Variants in CNTN5 observed in about 807,000 individuals in gnomAD.
The protein encoded by CNTN5 is contactin 5.
A neutral mutation model predicts 129.1 loss-of-function variants in CNTN5; 77 were observed. The ratio of observed to expected loss-of-function variants is 0.60; its 90% CI spans 0.50 to 0.72. The LOEUF (loss-of-function observed/expected upper bound fraction) is 0.72. Among genes scored for constraint, CNTN5 ranks in the 30% least tolerant of loss-of-function variants. CNTN5 has a pLI of 0.00. For missense variants in CNTN5, 1,478 were observed against 1,328.8 expected (o/e 1.11, Z -1.75); for synonymous variants, 509 against 465.6 (o/e 1.09, Z -1.20).
At chr11:99,778,408 C>G (rs937436231) in intron 3 of CNTN5, among the ~76,000 whole-genome samples, 3 of 151,810 alleles carry the variant, frequency 2.0e-5, no homozygotes, top group Non-Finnish European at 4.4e-5. Context: ...ATCCTTATTT[C>G]TGAGTATCTA....
rs1169703615 is a variant in CNTN5, at chr11:100,074,132, C to A, written c.1430-12C>A. 6.2e-7 allele frequency: 1 copy of A among 1,603,738 alleles called. No homozygotes were observed. Among genetic ancestry groups the A allele is most frequent in the South Asian group, 1.1e-5 (1 of 89,934 alleles). ...TGCTTCTGGTAGAAACTAACATTTGCTTTTTTAATAGCTTCAGCTCCCACT... is the reference window on the plus strand; with the variant it reads ...TGCTTCTGGTAGAAACTAACATTTGATTTTTTAATAGCTTCAGCTCCCACT... On this transcript the variant is annotated splice_polypyrimidine_tract_variant and intron_variant, in intron 12 of 24. Coordinates refer to ENST00000524871, the MANE Select transcript of CNTN5 (RefSeq NM_014361.4).
chr11:99,847,859 A>T (rs183683033), intron 6 of CNTN5, among the ~76,000 whole-genome samples: 1 of 150,202 alleles, frequency 6.7e-6, no homozygotes, highest in East Asian at 1.9e-4. Context: ...TTGGGGAGAA[A>T]AAAGAAAAGG....
intron 3 of CNTN5, among the ~76,000 whole-genome samples, chr11:99,779,573 C>A (rs116980481): frequency 6.6e-6 from 1 of 151,824 alleles, no homozygotes; most frequent in Non-Finnish European, 1.5e-5. Flanking sequence ...TTCTGTGTGC[C>A]AAGTATTAGT....
intron 4 of CNTN5, among the ~76,000 whole-genome samples, chr11:99,833,277 A>T (rs889868145): frequency 6.6e-6 from 1 of 152,176 alleles, no homozygotes; most frequent in East Asian, 1.9e-4. Context: ...ACAGGACTCT[A>T]TAAAGGAAAC....
chr11:99,534,791 G>T (rs946939512), intron 2 of CNTN5, among the ~76,000 whole-genome samples: 9 of 152,160 alleles, frequency 5.9e-5, no homozygotes, highest in African/African-American at 2.2e-4. Context: ...TGAGCATGTA[G>T]TAAAGTAATA....
intron 3 of CNTN5, among the ~76,000 whole-genome samples, chr11:99,646,467 C>A (rs1022944655): frequency 6.6e-6 from 1 of 152,058 alleles, no homozygotes; most frequent in South Asian, 2.1e-4. Flanking sequence ...AATGTAAGGG[C>A]CAACCAAAAG....
chr11:99,294,327 A>G (rs2135928348), intron 1 of CNTN5, among the ~76,000 whole-genome samples: 1 of 152,334 alleles, frequency 6.6e-6, no homozygotes, highest in Admixed American at 6.5e-5. Context: ...AAGGTGCAGT[A>G]TACTAACTCA....
chr11:100,177,874 T>C (rs1379717114), intron 13 of CNTN5, among the ~76,000 whole-genome samples: 3 of 152,118 alleles, frequency 2.0e-5, no homozygotes, highest in African/African-American at 7.2e-5. Flanking sequence ...AGCCTCTATG[T>C]AGCCACTGTT....
At chr11:99,530,111 C>A (rs1947638425) in intron 2 of CNTN5, among the ~76,000 whole-genome samples, 1 of 152,116 alleles carries the variant, frequency 6.6e-6, no homozygotes, top group Non-Finnish European at 1.5e-5. Flanking sequence ...ACCAAGCAAG[C>A]ATTCAATTTG....
At chr11:99,350,890 A>G (rs1021257865) in intron 2 of CNTN5, among the ~76,000 whole-genome samples, 3 of 151,988 alleles carry the variant, frequency 2.0e-5, no homozygotes, top group Non-Finnish European at 4.4e-5. Context: ...GCAGAAATGG[A>G]TTTTACTAGC....
At chr11:99,369,680 A>G (rs907372380) in intron 2 of CNTN5, among the ~76,000 whole-genome samples, 2 of 152,182 alleles carry the variant, frequency 1.3e-5, no homozygotes, top group African/African-American at 4.8e-5. Flanking sequence ...GGAGGTAAAA[A>G]TTATCCCAGA....
At chr11:100,059,259 A>G (rs1943363336) in intron 9 of CNTN5, among the ~76,000 whole-genome samples, 1 of 152,184 alleles carries the variant, frequency 6.6e-6, no homozygotes, top group African/African-American at 2.4e-5. Flanking sequence ...GAGAGATCCA[A>G]ACATTTTAAA....
chr11:99,502,025 C>T (rs1432914396), intron 2 of CNTN5, among the ~76,000 whole-genome samples: 1 of 152,154 alleles, frequency 6.6e-6, no homozygotes, highest in Non-Finnish European at 1.5e-5. Flanking sequence ...TGAAATTGCC[C>T]CTGCATAGGT....
At chr11:99,125,046 G>T (rs538694528) in intron 1 of CNTN5, among the ~76,000 whole-genome samples, 26 of 152,018 alleles carry the variant, frequency 1.7e-4, no homozygotes, top group African/African-American at 6.3e-4. Context: ...ATAAAAAAAA[G>T]CTGGTACCAA....
intron 2 of CNTN5, among the ~76,000 whole-genome samples, chr11:99,354,534 G>A (rs987325732): frequency 1.3e-5 from 2 of 152,126 alleles, no homozygotes; most frequent in Non-Finnish European, 2.9e-5. Flanking sequence ...CTATGATGTT[G>A]TAACTGGAAA....
At chr11:100,294,398 A>G (rs1440316759) in intron 18 of CNTN5, among the ~76,000 whole-genome samples, 1 of 151,726 alleles carries the variant, frequency 6.6e-6, no homozygotes, top group Non-Finnish European at 1.5e-5. Flanking sequence ...ATGAGTTTAT[A>G]TTTCAACATG....
chr11:99,317,915 TAAC>T (rs1475979976), intron 1 of CNTN5, among the ~76,000 whole-genome samples: 3 of 152,152 alleles, frequency 2.0e-5, no homozygotes, highest in African/African-American at 4.8e-5. Flanking sequence ...TTTAATTTTA[TAAC>T]AACTGGGTTG....
chr11:99,908,314 A>G lies in CNTN5; in HGVS notation c.578-7740A>G, dbSNP rs79420678. ...GTTAAGCGTGAAAGCTTGAGAGACA[A>G]TTTAATACATCTGCAAGTTATAAGA... On this transcript the variant is annotated intron_variant, in intron 6 of 24. Transcript: ENST00000524871. Among the ~76,000 whole-genome samples, 679 of 152,168 alleles carry G rather than the reference A, an allele frequency of 4.5e-3. 7 individuals carry two copies. The highest frequency in any genetic ancestry group is 0.015 in the African/African-American group (616 of 41,536).
chr11:99,733,198 C>T (rs927875527), intron 3 of CNTN5, among the ~76,000 whole-genome samples: 2 of 151,826 alleles, frequency 1.3e-5, no homozygotes, highest in Non-Finnish European at 1.5e-5. Flanking sequence ...TGAGGGGTGC[C>T]TGTAATCCCA....
Sources: gnomAD v4.1 joint callset for allele counts (sites outside exome capture counted in the v4.1 genomes callset) on GRCh38, gnomAD v4.1.1 for gene constraint, MANE v1.5 for transcripts, NCBI Gene and HGNC (gene_info 2026-07-23, HGNC 2026-07-21) for gene names.